The following SLC35A3 variants were observed in gnomAD, a reference collection of about 807,000 sequenced individuals.
The protein encoded by SLC35A3 is solute carrier family 35 member A3, also known as UDP-N-acetylglucosamine transporter.
SLC35A3 carries 26 observed loss-of-function variants against 39.0 expected under a neutral mutation model. The ratio of observed to expected loss-of-function variants is 0.67; its 90% CI spans 0.49 to 0.92. SLC35A3 has a LOEUF of 0.92. SLC35A3 is among the 40% of genes least tolerant of loss of function. The pLI, the probability that SLC35A3 is intolerant of heterozygous loss-of-function variation, is 0.00. For synonymous variants in SLC35A3, 135 were observed against 133.1 expected, an observed-to-expected ratio of 1.01 and a Z score of -0.10; for missense variants, 299 against 371.6, an observed-to-expected ratio of 0.80 and a Z score of 1.61.
At position 99,993,200 on chromosome 1, in the gene SLC35A3, CA is replaced by C. The variant is rs958673723; in HGVS notation, c.-18-329del. ...CACCCAAAGTAGATTACATCTGTAG[CA>C]AAAAAAATCTCTAGGGAACTCACTG... On this transcript the variant is annotated intron_variant, in intron 1 of 7. Coordinates refer to ENST00000533028, the MANE Select transcript of SLC35A3 (RefSeq NM_012243.3). 115 of 173,216 alleles carry C rather than the reference CA, an allele frequency of 6.6e-4. 1 individual carries two copies. In the South Asian group the frequency reaches 7.8e-3, roughly 12 times the overall value. 10.7% of individuals were successfully genotyped at this position (173,216 alleles called of 1,614,324 possible). A position where few individuals can be genotyped will look rare whatever the true frequency, so the allele number is the denominator to read the frequency against.
intron 1 of SLC35A3, among the ~76,000 whole-genome samples, chr1:99,979,836 G>T (rs1001298016): frequency 6.6e-6 from 1 of 151,922 alleles, no homozygotes; most frequent in Admixed American, 6.5e-5. Context: ...CCGAGGTCAG[G>T]AGTTCGAGAC....
At position 100,030,941 on chromosome 1, in the gene SLC35A3, A is replaced by T. The variant is rs1230012796; in HGVS notation, c.*8465A>T. ...CATGAAAGATGTGTGCCCATGTTTC[A>T]TTTTATAACTGTTCCAGTCATATTG... On this transcript the variant is annotated 3_prime_UTR_variant, in exon 8 of 8. Transcript: ENST00000533028. 1 of 152,116 alleles carries T rather than the reference A, an allele frequency of 6.6e-6. No homozygotes were observed. The highest frequency in any genetic ancestry group is 6.5e-5 in the Admixed American group (1 of 15,276). 9.4% of individuals were successfully genotyped at this position (152,116 alleles called of 1,614,324 possible).
rs1165262192 is a variant in SLC35A3 at position 100,029,932 on chromosome 1, C to T, written c.*7456C>T. 1 of 151,972 alleles carries T rather than the reference C, an allele frequency of 6.6e-6. No homozygotes were observed. Among genetic ancestry groups the T allele is most frequent in the Non-Finnish European group, 1.5e-5 (1 of 67,998 alleles). 9.4% of individuals were successfully genotyped at this position (151,972 alleles called of 1,614,324 possible). A position where few individuals can be genotyped will look rare whatever the true frequency, so the allele number is the denominator to read the frequency against. On this transcript the variant is annotated 3_prime_UTR_variant, in exon 8 of 8. Transcript: ENST00000533028. ...ATGTTTAATGACAACTTTATAAATG[C>T]TGGACTATTTTAAACTACAAATTTA...
At chr1:99,996,860 A>G (rs1018275087) in intron 2 of SLC35A3, among the ~76,000 whole-genome samples, 35 of 152,202 alleles carry the variant, frequency 2.3e-4, no homozygotes, top group African/African-American at 7.9e-4. Context: ...TAGCAATTTT[A>G]AAGTTTTTTT....
chr1:99,997,406 AG>A (rs1658463895), intron 2 of SLC35A3, among the ~76,000 whole-genome samples: 1 of 98,502 alleles, frequency 1.0e-5, no homozygotes, highest in African/African-American at 4.8e-5. Context: ...TTTTATATAT[AG>A]TTTTATATAT....
chr1:99,971,987 T>A lies in SLC35A3; in HGVS notation c.-19+1825T>A, dbSNP rs962924175. 2.0e-5 allele frequency among the ~76,000 whole-genome samples: 3 copies of A among 152,230 alleles called. No homozygotes were observed. The South Asian group carries it at 6.2e-4, about 32-fold the overall frequency. On this transcript the variant is annotated intron_variant, in intron 1 of 7. Transcript: ENST00000533028. ...ATCTCGGCTCACTGCAACCTCCGTC[T>A]CCCGGGTTCAAGCGATTCTCCTGCC...
At chr1:99,984,180 T>A (rs903081349) in intron 1 of SLC35A3, among the ~76,000 whole-genome samples, 7 of 152,190 alleles carry the variant, frequency 4.6e-5, no homozygotes, top group Non-Finnish European at 8.8e-5. Context: ...ATTAAATTTT[T>A]AAAAATAGCA....
Position 100,027,121 on chromosome 1 carries a change from A to T in SLC35A3, c.*4645A>T. 1 of 398,308 alleles carries T rather than the reference A, an allele frequency of 2.5e-6. No individual in the cohort carries two copies. Among genetic ancestry groups the T allele is most frequent in the Non-Finnish European group, 4.4e-6 (1 of 226,002 alleles). 24.7% of individuals were successfully genotyped at this position (398,308 alleles called of 1,614,324 possible). On this transcript the variant is annotated 3_prime_UTR_variant, in exon 8 of 8. Coordinates refer to ENST00000533028, the MANE Select transcript of SLC35A3 (RefSeq NM_012243.3). ...AGTATCTCTATCACTGTCACATGTGATCTTTCTTCCTTTTCTCTAGCCCAT... is the reference window on the plus strand; with the variant it reads ...AGTATCTCTATCACTGTCACATGTGTTCTTTCTTCCTTTTCTCTAGCCCAT...
chr1:99,990,808 A>AG (rs1450914893), intron 1 of SLC35A3, among the ~76,000 whole-genome samples: 2 of 152,066 alleles, frequency 1.3e-5, no homozygotes, highest in African/African-American at 4.8e-5. Context: ...GGCCTTTGGG[A>AG]GGTAATTAGG....
In SLC35A3 at chr1:100,022,436, G is replaced by A. The variant is rs1660618674; in HGVS notation, c.938G>A (p.Gly313Asp). ...GTAATAACAGCTACTTTTTTGTATG[G>A]TTATGATCCCAAACCTGCAGGAAAT... is the stretch of plus-strand genomic sequence containing the variant. ...ILVITATFLY[G>D]YDPKPAGNPT... is the part of the protein sequence containing the mutation. Residue 313 changes from glycine to aspartate, a missense_variant, in exon 8 of 8, where the codon GGT (glycine) becomes GAT (aspartate). By Grantham distance (94) the Gly-to-Asp change is moderately conservative. Transcript: ENST00000533028. 6.2e-7 allele frequency: 1 copy of A among 1,606,292 alleles called. No individual in the cohort carries two copies. Among genetic ancestry groups the A allele is most frequent in the Admixed American group, 1.7e-5 (1 of 59,522 alleles).
intron 1 of SLC35A3, among the ~76,000 whole-genome samples, chr1:99,977,364 C>CAAAAAAAAAAAAAAAAAA (rs61423393): frequency 1.0e-5 from 1 of 98,472 alleles, no homozygotes. Context: ...TTAAAAATAC[C>CAAAAAAAAAAAAAAAAAA]AAAAAAAAAA....
chr1:99,997,076 A>G (rs1344462773), intron 2 of SLC35A3, among the ~76,000 whole-genome samples: 3 of 151,622 alleles, frequency 2.0e-5, no homozygotes, highest in Non-Finnish European at 4.4e-5. Flanking sequence ...ATCTTTGGCC[A>G]TTTTTCATGA....
At position 100,024,622 on chromosome 1, in the gene SLC35A3, C is replaced by CTT. The variant is rs1333681581; in HGVS notation, c.*2160_*2161dup. The CTT allele has an allele frequency of 9.8e-4, 248 of 254,352 alleles. No homozygotes were observed. The highest frequency in any genetic ancestry group is 2.3e-3 in the Middle Eastern group (2 of 852). 15.8% of individuals were successfully genotyped at this position (254,352 alleles called of 1,614,324 possible). ...TATGAATGAAAAAAATAAAATACTT[C>CTT]TTTTTTTTTTTTTTTGAGACAGAGT... On this transcript the variant is annotated 3_prime_UTR_variant, in exon 8 of 8. Transcript: ENST00000533028.
chr1:100,002,732 T>A (rs961810599), intron 3 of SLC35A3, among the ~76,000 whole-genome samples: 4 of 152,120 alleles, frequency 2.6e-5, no homozygotes, highest in African/African-American at 9.7e-5. Context: ...TCCTCCCATC[T>A]CAGCCTCCTG....
Position 99,993,522 on chromosome 1 carries a change from T to C in SLC35A3, c.-18-15T>C. 6.2e-7 allele frequency: 1 copy of C among 1,605,568 alleles called. No homozygotes were observed. Among genetic ancestry groups the C allele is most frequent in the Non-Finnish European group, 8.5e-7 (1 of 1,173,220 alleles). On this transcript the variant is annotated splice_polypyrimidine_tract_variant and intron_variant, in intron 1 of 7. Coordinates refer to ENST00000533028, the MANE Select transcript of SLC35A3 (RefSeq NM_012243.3). ...TGTAATCTTATTTATTTGCCCTGTT[T>C]ATTTTGTTTTTCAGGCAAATGAAGA...
At chr1:99,970,573 A>C in intron 1 of SLC35A3, 1 of 1,536,056 alleles carries the variant, frequency 6.5e-7, no homozygotes, top group Non-Finnish European at 8.7e-7. Context: ...TGTGGTAGGC[A>C]CAGATGCACC....
In SLC35A3 at chr1:100,026,258, A is replaced by G. The variant is rs1557853245; in HGVS notation, c.*3782A>G. On this transcript the variant is annotated 3_prime_UTR_variant, in exon 8 of 8. Coordinates refer to ENST00000533028, the MANE Select transcript of SLC35A3 (RefSeq NM_012243.3). The stretch of plus-strand genomic sequence containing the variant: ...TTAGCATCACTCATTTGATTTACAC[A>G]TTCACATTATAATATTTAATTATCA... The G allele has an allele frequency of 1.3e-5, 2 of 152,182 alleles. No individual in the cohort carries two copies. The highest frequency in any genetic ancestry group is 2.1e-4 in the South Asian group (1 of 4,836). 9.4% of individuals were successfully genotyped at this position (152,182 alleles called of 1,614,324 possible).
At chr1:99,981,440 G>C (rs1657443588) in intron 1 of SLC35A3, among the ~76,000 whole-genome samples, 1 of 151,852 alleles carries the variant, frequency 6.6e-6, no homozygotes, top group South Asian at 2.1e-4. Flanking sequence ...TAAGATACTA[G>C]GTAGTCTCAA....
At chr1:100,010,001 C>T (rs1659506538) in intron 4 of SLC35A3, among the ~76,000 whole-genome samples, 1 of 152,130 alleles carries the variant, frequency 6.6e-6, no homozygotes, top group African/African-American at 2.4e-5. Flanking sequence ...TAGAACTACA[C>T]TGTCCAGTAG....
Sources: gnomAD v4.1 joint callset for allele counts (sites outside exome capture counted in the v4.1 genomes callset) on GRCh38, gnomAD v4.1.1 for gene constraint, MANE v1.5 for transcripts, NCBI Gene and HGNC (gene_info 2026-07-23, HGNC 2026-07-21) for gene names.